Variants in STAU1 observed in about 807,000 individuals in gnomAD.
STAU1 encodes staufen double-stranded RNA binding protein 1.
A neutral mutation model predicts 62.9 loss-of-function variants in STAU1; 13 were observed. That is an observed-to-expected ratio of 0.21 (90% CI 0.13 to 0.33). The LOEUF (loss-of-function observed/expected upper bound fraction) is 0.33. Among genes scored for constraint, STAU1 ranks in the 10% least tolerant of loss-of-function variants. The probability of loss-of-function intolerance (pLI) is 1.00; values close to 1 mark genes in which losing one functional copy is unlikely to be tolerated. For synonymous variants in STAU1, 269 were observed against 265.1 expected, an observed-to-expected ratio of 1.01 and a Z score of -0.14; for missense variants, 571 against 712.1, an observed-to-expected ratio of 0.80 and a Z score of 2.25.
In STAU1 at chr20:49,115,790, T is replaced by C. The variant is rs575303588; in HGVS notation, c.1710A>G (p.Pro570=). The stretch of plus-strand genomic sequence containing the variant: ...TTCATCAGTGCACTCACACAGACAT[T>C]GGTCCGTTTCCTGTTCTTGGCATCT... The part of the protein sequence containing the change: ...STEMPRTGNG[P]MSVCGRC The change falls in exon 13 of 14, where the codon CCA becomes CCG. Residue 570 remains proline, a synonymous_variant. Coordinates refer to ENST00000371856, the MANE Select transcript of STAU1 (RefSeq NM_017453.4). 624 of 1,614,052 alleles carry C rather than the reference T, an allele frequency of 3.9e-4. 5 individuals are homozygous for C. The South Asian group carries it at 6.7e-3, about 17-fold the overall frequency.
At chr20:49,162,491 T>G (rs2093463853) in intron 3 of STAU1, among the ~76,000 whole-genome samples, 1 of 152,122 alleles carries the variant, frequency 6.6e-6, no homozygotes, top group Admixed American at 6.6e-5. Flanking sequence ...AACAGATTTA[T>G]AGGCCAGACA....
chr20:49,208,655 T>C, the STAU1 span, among the ~76,000 whole-genome samples: 1 of 151,484 alleles, frequency 6.6e-6, no homozygotes, highest in Non-Finnish European at 1.5e-5. Flanking sequence ...AGTCTCGCTC[T>C]GTCGCCCAGA....
At position 49,116,994 on chromosome 20, in the gene STAU1, A is replaced by G. The variant is rs749198029; in HGVS notation, c.1632+132T>C. On this transcript the variant is annotated intron_variant, in intron 12 of 13. Coordinates refer to ENST00000371856, the MANE Select transcript of STAU1 (RefSeq NM_017453.4). ...AGTCTTCAAAAATATGAACACTATCAAACGATTCATTGCTCTCAAGGTCTA... is the reference window on the plus strand; with the variant it reads ...AGTCTTCAAAAATATGAACACTATCGAACGATTCATTGCTCTCAAGGTCTA... 5.8e-5 allele frequency: 70 copies of G among 1,198,178 alleles called. No individual in the cohort carries two copies. In the Middle Eastern group the frequency reaches 8.0e-4, roughly 14 times the overall value. 74.2% of individuals were successfully genotyped at this position (1,198,178 alleles called of 1,614,324 possible). A position where few individuals can be genotyped will look rare whatever the true frequency, so the allele number is the denominator to read the frequency against.
chr20:49,212,615 A>ATTTTTTTTTTTTT, the STAU1 span, among the ~76,000 whole-genome samples: 29,322 of 84,646 alleles, frequency 0.35, 7,413 homozygotes, highest in Middle Eastern at 0.54. Flanking sequence ...AGCTATTGGA[A>ATTTTTTTTTTTTT]TTTTTTTTTT....
At position 49,138,456 on chromosome 20, in the gene STAU1, C is replaced by A. The variant is rs1196245341; in HGVS notation, c.511-2525G>T. On this transcript the variant is annotated intron_variant, in intron 5 of 13. Coordinates refer to ENST00000371856, the MANE Select transcript of STAU1 (RefSeq NM_017453.4). ...TGGTTTCAGTGTATCTCACCTGAGT[C>A]AAAACTACTTTCATAGCACTTGTGG... is the stretch of plus-strand genomic sequence containing the variant. Among the ~76,000 whole-genome samples the A allele has an allele frequency of 6.6e-5, 10 of 152,214 alleles. No homozygotes were observed. The South Asian group carries it at 2.1e-3, about 32-fold the overall frequency.
At chr20:49,195,233 A>G in the STAU1 span, among the ~76,000 whole-genome samples, 1,737 of 152,296 alleles carry the variant, frequency 0.011, 39 homozygotes, top group African/African-American at 0.039. Flanking sequence ...AACCCAATGA[A>G]AAATGATTAA....
At chr20:49,119,568 T>C in intron 9 of STAU1, among the ~76,000 whole-genome samples, 1 of 152,228 alleles carries the variant, frequency 6.6e-6, no homozygotes, top group Middle Eastern at 3.2e-3. Flanking sequence ...TCACACTGTC[T>C]TATTTTGCCA....
the STAU1 span, among the ~76,000 whole-genome samples, chr20:49,209,637 G>C: frequency 6.6e-6 from 1 of 152,102 alleles, no homozygotes; most frequent in Non-Finnish European, 1.5e-5. Context: ...CTAGCTACTT[G>C]AAGGCTGAGG....
the STAU1 span, among the ~76,000 whole-genome samples, chr20:49,208,786 AT>A: frequency 6.7e-6 from 1 of 149,854 alleles, no homozygotes; most frequent in Non-Finnish European, 1.5e-5. Context: ...TGCTCGGCTA[AT>A]TTTTTTGTAT....
chr20:49,218,767 C>T, the STAU1 span, among the ~76,000 whole-genome samples: 9 of 151,854 alleles, frequency 5.9e-5, no homozygotes, highest in Non-Finnish European at 1.3e-4. Flanking sequence ...CGGGGCTGTG[C>T]GCAGTGGCTC....
chr20:49,218,968 A>T, the STAU1 span, among the ~76,000 whole-genome samples: 1 of 140,618 alleles, frequency 7.1e-6, no homozygotes, highest in Non-Finnish European at 1.5e-5. Context: ...GTGATCCATG[A>T]TCTCCACTGC....
Position 49,165,481 on chromosome 20 carries a change from G to A in STAU1, c.205+516C>T, listed in dbSNP as rs371271032. Among the ~76,000 whole-genome samples the A allele has an allele frequency of 4.3e-4, 66 of 151,814 alleles. 1 individual carries two copies. The South Asian group carries it at 0.012, about 29-fold the overall frequency. Reference sequence around the variant, plus strand: ...AGCCTCCTGAGTAGCTGTTATGGGCGTGCATCACCAAGCCCAGCTAGTTTG... The same window carrying A: ...AGCCTCCTGAGTAGCTGTTATGGGCATGCATCACCAAGCCCAGCTAGTTTG... On this transcript the variant is annotated intron_variant, in intron 3 of 13. Transcript: ENST00000371856.
At chr20:49,122,895 C>T (rs903742871) in intron 8 of STAU1, among the ~76,000 whole-genome samples, 197 bp downstream of exon 8, 2 of 150,522 alleles carry the variant, frequency 1.3e-5, no homozygotes, top group Admixed American at 6.7e-5. Flanking sequence ...CCAGCCTGGG[C>T]GACAGAGTGA....
At chr20:49,206,129 C>T in the STAU1 span, among the ~76,000 whole-genome samples, 1 of 149,930 alleles carries the variant, frequency 6.7e-6, no homozygotes, top group Admixed American at 6.8e-5. Context: ...ACTACAGGCG[C>T]TCGCCACCAC....
the STAU1 span, among the ~76,000 whole-genome samples, chr20:49,219,013 CAAAAAAAA>C: frequency 2.4e-4 from 13 of 53,176 alleles, no homozygotes; most frequent in East Asian, 9.6e-4. Flanking sequence ...AACCCTGCCT[CAAAAAAAA>C]AAAAAAAAAA....
chr20:49,148,809 A>G (rs562378620), intron 5 of STAU1, among the ~76,000 whole-genome samples: 26 of 152,300 alleles, frequency 1.7e-4, no homozygotes, highest in Admixed American at 1.6e-3. Flanking sequence ...AGACTCAGAA[A>G]CACCAACAGG....
chr20:49,128,471 G>C (rs150070215), intron 6 of STAU1, among the ~76,000 whole-genome samples: 1 of 152,072 alleles, frequency 6.6e-6, no homozygotes, highest in Non-Finnish European at 1.5e-5. Context: ...AGAAGGAACC[G>C]GATCTTCTTG....
At position 49,113,553 on chromosome 20, in the gene STAU1, CTT is replaced by C. The variant is rs1228511874; in HGVS notation, c.*1323_*1324del. 3 of 152,576 alleles carry C rather than the reference CTT, an allele frequency of 2.0e-5. No homozygotes were observed. The highest frequency in any genetic ancestry group is 2.0e-4 in the Admixed American group (3 of 15,276). 9.5% of individuals were successfully genotyped at this position (152,576 alleles called of 1,614,324 possible). A position where few individuals can be genotyped will look rare whatever the true frequency, so the allele number is the denominator to read the frequency against. ...TATTACCATTTATTGATGACAAACA[CTT>C]AAGTTTTACTTACATTCCATGGGGA... On this transcript the variant is annotated 3_prime_UTR_variant, in exon 14 of 14. Transcript: ENST00000371856.
At chr20:49,135,761 GA>G (rs1457823358) in intron 6 of STAU1, 71 bp downstream of exon 6, 5 of 1,146,966 alleles carry the variant, frequency 4.4e-6, no homozygotes, top group Admixed American at 2.3e-5. Context: ...ATATTTAGGG[GA>G]AAAAATAACT....
Sources: allele counts gnomAD v4.1 joint callset (sites outside exome capture counted in the v4.1 genomes callset), GRCh38; gene constraint gnomAD v4.1.1; transcripts MANE v1.5; gene names NCBI Gene and HGNC (gene_info 2026-07-23, HGNC 2026-07-21).